Variants in THSD4 observed in about 807,000 individuals in gnomAD.
THSD4 encodes thrombospondin type-1 domain-containing protein 4.
Under a neutral mutation model 119.0 loss-of-function variants are expected in THSD4, and 69 were observed. The ratio of observed to expected loss-of-function variants is 0.58; its 90% CI spans 0.48 to 0.71. The LOEUF (loss-of-function observed/expected upper bound fraction) is 0.71, where lower values mean the gene tolerates loss of function less well. THSD4 is among the 30% of genes least tolerant of loss of function. The pLI, the probability that THSD4 is intolerant of heterozygous loss-of-function variation, is 0.00. For synonymous variants in THSD4, 524 were observed against 540.4 expected (o/e 0.97, Z 0.42); for missense variants, 1,393 against 1,391.1 (o/e 1.00, Z -0.02).
chr15:71,101,559 C>G (rs1376369990), intron 1 of THSD4, among the ~76,000 whole-genome samples: 4 of 151,950 alleles, frequency 2.6e-5, no homozygotes, highest in Non-Finnish European at 5.9e-5. Context: ...ATTTAATTTC[C>G]TTGTAGTCTG....
intron 7 of THSD4, among the ~76,000 whole-genome samples, chr15:71,495,822 T>C (rs2048007092): frequency 6.6e-6 from 1 of 152,200 alleles, no homozygotes; most frequent in Admixed American, 6.5e-5. Flanking sequence ...TCCTTTTGTT[T>C]TTAGTAACTC....
chr15:71,392,768 C>G (rs927499290), intron 6 of THSD4, among the ~76,000 whole-genome samples: 8 of 152,218 alleles, frequency 5.3e-5, no homozygotes, highest in Non-Finnish European at 1.2e-4. Flanking sequence ...GTCCCACGGT[C>G]AAGAAGCGGG....
chr15:71,110,364 T>A (rs936452148), intron 1 of THSD4: 7 of 152,184 alleles, frequency 4.6e-5, no homozygotes, highest in African/African-American at 1.7e-4. Context: ...TTTCTCCCTC[T>A]CCCTTTGGAA....
chr15:71,354,666 T>C (rs768602718), intron 6 of THSD4, among the ~76,000 whole-genome samples: 53 of 152,218 alleles, frequency 3.5e-4, no homozygotes, highest in Non-Finnish European at 3.5e-4. Flanking sequence ...CAGTTGCTAA[T>C]AAGCATAGAA....
intron 6 of THSD4, among the ~76,000 whole-genome samples, chr15:71,409,358 C>G (rs868199810): frequency 1.3e-5 from 2 of 152,076 alleles, no homozygotes; most frequent in African/African-American, 4.8e-5. Flanking sequence ...ATAGTTCTAG[C>G]GCTTCAGAAA....
chr15:71,517,086 C>T (rs1323471395), intron 7 of THSD4, among the ~76,000 whole-genome samples: 1 of 152,134 alleles, frequency 6.6e-6, no homozygotes, highest in Non-Finnish European at 1.5e-5. Context: ...CTTTCATTAG[C>T]CTAAGCTAGA....
At chr15:71,265,441 C>T (rs528113393) in intron 6 of THSD4, among the ~76,000 whole-genome samples, 8 of 152,236 alleles carry the variant, frequency 5.3e-5, no homozygotes, top group East Asian at 1.9e-4. Flanking sequence ...ACGCTTTTGC[C>T]GTGGTCTTTG....
rs566183352 is a variant in THSD4, at chr15:71,249,818, C to T, written c.912+6722C>T. 2.0e-5 allele frequency among the ~76,000 whole-genome samples: 3 copies of T among 152,190 alleles called. No individual in the cohort carries two copies. The South Asian group carries it at 6.2e-4, about 32-fold the overall frequency. ...TAACTCTAAATGGCACATTAATACC[C>T]CTGCTTCTTGATATATCAACTTAAA... On this transcript the variant is annotated intron_variant, in intron 5 of 17. Coordinates refer to ENST00000261862, the MANE Select transcript of THSD4 (RefSeq NM_024817.3).
chr15:71,162,724 T>TTTCTCCATTTC (rs1426958530), intron 3 of THSD4, among the ~76,000 whole-genome samples: 4 of 152,032 alleles, frequency 2.6e-5, no homozygotes, highest in Non-Finnish European at 5.9e-5. Flanking sequence ...TTCCTGTGCC[T>TTTCTCCATTTC]TTCTCCATTT....
intron 15 of THSD4, among the ~76,000 whole-genome samples, chr15:71,762,875 AC>A (rs2053649600): frequency 6.6e-6 from 1 of 152,042 alleles, no homozygotes; most frequent in Admixed American, 6.6e-5. Flanking sequence ...GTTTGAGACC[AC>A]CCTGGCCAAT....
chr15:71,185,052 C>G (rs972349440), intron 3 of THSD4, among the ~76,000 whole-genome samples: 1 of 151,686 alleles, frequency 6.6e-6, no homozygotes, highest in Non-Finnish European at 1.5e-5. Context: ...GCATCAAAAC[C>G]TTTGAGCTAA....
upstream of THSD4, chr15:71,113,634 C>T (rs1391217038): frequency 1.3e-5 from 2 of 152,198 alleles, no homozygotes; most frequent in Non-Finnish European, 2.9e-5. Context: ...CATTTACCTA[C>T]CACCTACTGG....
Position 71,418,299 on chromosome 15 carries a change from A to G in THSD4, c.1152+6476A>G, listed in dbSNP as rs1334513506. 3.7e-5 allele frequency among the ~76,000 whole-genome samples: 4 copies of G among 108,368 alleles called. 2 individuals are homozygous for G. Among genetic ancestry groups the G allele is most frequent in the African/African-American group, 1.3e-4 (4 of 31,808 alleles). The allele number at this position is 108,368 out of a possible 152,430, so 71.1% of individuals were successfully genotyped here. ...GCTAGGACTTCCAGTACTACATTGA[A>G]TAACAGTAGTGAAAGTGAGCATCCT... On this transcript the variant is annotated intron_variant, in intron 7 of 17. Transcript: ENST00000261862.
At chr15:71,197,745 C>T (rs2043732788) in intron 3 of THSD4, among the ~76,000 whole-genome samples, 1 of 152,090 alleles carries the variant, frequency 6.6e-6, no homozygotes, top group Non-Finnish European at 1.5e-5. Flanking sequence ...CCCCACTGGA[C>T]TGTCAGGTTC....
At chr15:71,745,334 G>C in intron 12 of THSD4, 99 bp downstream of exon 12, 1 of 1,448,326 alleles carries the variant, frequency 6.9e-7, no homozygotes, top group Non-Finnish European at 9.3e-7. Flanking sequence ...CTAAATCTGA[G>C]TTAGAAATAC....
intron 7 of THSD4, among the ~76,000 whole-genome samples, chr15:71,481,535 ACG>A (rs1250168471): frequency 6.6e-6 from 1 of 152,224 alleles, no homozygotes; most frequent in Non-Finnish European, 1.5e-5. Context: ...TCTTAGATAC[ACG>A]TAGCCCAGAT....
chr15:71,384,955 G>T (rs1004355900), intron 6 of THSD4, among the ~76,000 whole-genome samples: 1 of 152,134 alleles, frequency 6.6e-6, no homozygotes, highest in Non-Finnish European at 1.5e-5. Context: ...ACCTAAACAT[G>T]CAAGAAAAAG....
intron 8 of THSD4, among the ~76,000 whole-genome samples, chr15:71,669,412 A>T (rs748286037): frequency 7.2e-5 from 11 of 152,064 alleles, no homozygotes; most frequent in South Asian, 2.1e-4. Flanking sequence ...GTGGTGAAAA[A>T]TTTTCATCTT....
At chr15:71,466,318 C>T (rs2140627847) in intron 7 of THSD4, among the ~76,000 whole-genome samples, 1 of 150,232 alleles carries the variant, frequency 6.7e-6, no homozygotes, top group Admixed American at 6.7e-5. Flanking sequence ...GCACTCCAGC[C>T]TGGGAGACTG....
Sources: allele counts gnomAD v4.1 joint callset (sites outside exome capture counted in the v4.1 genomes callset), GRCh38; gene constraint gnomAD v4.1.1; transcripts MANE v1.5; gene names NCBI Gene and HGNC (gene_info 2026-07-23, HGNC 2026-07-21).